The following RPL28 variants were observed in gnomAD, a reference collection of about 807,000 sequenced individuals.
The protein encoded by RPL28 is ribosomal protein L28.
In RPL28, 4 loss-of-function variants were observed where a neutral mutation model predicts 12.5. The observed-to-expected ratio is 0.32, with a 90% CI of 0.16 to 0.73. The LOEUF is 0.73. RPL28 is among the 30% of genes least tolerant of loss of function. The pLI is 0.66. For synonymous variants in RPL28, 91 were observed against 72.5 expected, an observed-to-expected ratio of 1.26 and a Z score of -1.30; for missense variants, 214 against 197.7, an observed-to-expected ratio of 1.08 and a Z score of -0.49.
At chr19:55,398,864 G>A (rs11673539) in intron 4 of RPL28, among the ~76,000 whole-genome samples, 24,257 of 152,106 alleles carry the variant, frequency 0.16, 2,165 homozygotes, top group Middle Eastern at 0.21. Flanking sequence ...ACAATGCCTG[G>A]CTGATTTTTA....
chr19:55,391,664 C>T lies in RPL28; in HGVS notation c.*3332C>T, dbSNP rs373129041. On this transcript the variant is annotated 3_prime_UTR_variant, in exon 5 of 5. Transcript: ENST00000344063. ...GTACCCTCATCTGTAACATGCGTGT[C>T]GATAGACCCTACTACTCAGGGTTGA... 1.3e-4 allele frequency: 194 copies of T among 1,543,930 alleles called. No homozygotes were observed. The African/African-American group carries it at 2.2e-3, about 18-fold the overall frequency.
chr19:55,402,579 C>G (rs2090068220), intron 4 of RPL28, among the ~76,000 whole-genome samples: 1 of 152,192 alleles, frequency 6.6e-6, no homozygotes, highest in Admixed American at 6.5e-5. Flanking sequence ...ATACACAGTA[C>G]CTGGCTCAGC....
chr19:55,399,038 A>C (rs1425147243), intron 4 of RPL28, among the ~76,000 whole-genome samples: 2 of 152,042 alleles, frequency 1.3e-5, no homozygotes, highest in Non-Finnish European at 2.9e-5. Flanking sequence ...CCCAGGCTGG[A>C]GTGCAGTGGT....
chr19:55,400,375 T>TAGAA, intron 4 of RPL28: 1 of 152,308 alleles, frequency 6.6e-6, no homozygotes, highest in Middle Eastern at 3.4e-3. Context: ...AACGCATTAA[T>TAGAA]AGAATGGGAA....
rs532320378 is a variant in RPL28 at position 55,385,932 on chromosome 19, C to T, written c.-42C>T. On this transcript the variant is annotated 5_prime_UTR_variant, in exon 1 of 5. Coordinates refer to ENST00000344063, the MANE Select transcript of RPL28 (RefSeq NM_000991.5). ...AGGCGTCGCCTCGCCCCTCGCCTTCCTCTTTCCGTCTCAGGTCGCCGCTGC... is the reference window on the plus strand; with the variant it reads ...AGGCGTCGCCTCGCCCCTCGCCTTCTTCTTTCCGTCTCAGGTCGCCGCTGC... The T allele has an allele frequency of 1.2e-4, 29 of 234,228 alleles. No individual in the cohort carries two copies. The highest frequency in any genetic ancestry group is 2.5e-4 in the South Asian group (5 of 20,028). The allele number at this position is 234,228 out of a possible 1,614,324, so 14.5% of individuals were successfully genotyped here.
rs1474689265 is a variant in RPL28 at position 55,388,710 on chromosome 19, C to T, written c.*378C>T. 1.2e-5 allele frequency: 13 copies of T among 1,044,234 alleles called. No individual in the cohort carries two copies. Among genetic ancestry groups the T allele is most frequent in the Non-Finnish European group, 1.5e-5 (13 of 869,076 alleles). The allele number at this position is 1,044,234 out of a possible 1,614,324, so 64.7% of individuals were successfully genotyped here. A position where few individuals can be genotyped will look rare whatever the true frequency, so the allele number is the denominator to read the frequency against. ...TGCAGGCTGAGGGCTGGGCCCTGGGCCCTGGTGCTGTAGCACGGTTTGGGG... is the reference window on the plus strand; with the variant it reads ...TGCAGGCTGAGGGCTGGGCCCTGGGTCCTGGTGCTGTAGCACGGTTTGGGG... On this transcript the variant is annotated 3_prime_UTR_variant, in exon 5 of 5. Coordinates refer to ENST00000344063, the MANE Select transcript of RPL28 (RefSeq NM_000991.5).
At chr19:55,388,199 G>T (rs780884560) in intron 4 of RPL28, 44 bp from the exon 5 acceptor site, 2 of 1,511,634 alleles carry the variant, frequency 1.3e-6, no homozygotes, top group South Asian at 1.3e-5. Context: ...GGGGCGGCTT[G>T]TGGAGTGTAT....
downstream of RPL28, among the ~76,000 whole-genome samples, chr19:55,396,796 G>A (rs1006519741): frequency 1.3e-4 from 19 of 150,848 alleles, no homozygotes; most frequent in Admixed American, 4.6e-4. Context: ...TAGCCAGGAT[G>A]TTCTCGATCT....
intron 4 of RPL28, chr19:55,402,864 G>A (rs2090071043): frequency 8.0e-7 from 1 of 1,252,888 alleles, no homozygotes; most frequent in Non-Finnish European, 1.1e-6. Flanking sequence ...CCCCATGGCA[G>A]GAAACCCCAA....
At position 55,391,672 on chromosome 19, in the gene RPL28, C is replaced by T; in HGVS notation, c.*3340C>T. On this transcript the variant is annotated 3_prime_UTR_variant, in exon 5 of 5. Transcript: ENST00000344063. ...ATCTGTAACATGCGTGTCGATAGACCCTACTACTCAGGGTTGATGAGAAGA... is the reference window on the plus strand; with the variant it reads ...ATCTGTAACATGCGTGTCGATAGACTCTACTACTCAGGGTTGATGAGAAGA... 1 of 1,544,806 alleles carries T rather than the reference C, an allele frequency of 6.5e-7. No homozygotes were observed. Among genetic ancestry groups the T allele is most frequent in the Non-Finnish European group, 8.8e-7 (1 of 1,140,918 alleles).
At position 55,388,558 on chromosome 19, in the gene RPL28, C is replaced by T. The variant is rs2123281298; in HGVS notation, c.*226C>T. ...CCCTGGTGAGGGCAAGGGTCACTGT[C>T]TTCACAGAAAAAGTTTGCTGACTTG... On this transcript the variant is annotated 3_prime_UTR_variant, in exon 5 of 5. Coordinates refer to ENST00000344063, the MANE Select transcript of RPL28 (RefSeq NM_000991.5). 1 of 1,253,834 alleles carries T rather than the reference C, an allele frequency of 8.0e-7. No homozygotes were observed. Among genetic ancestry groups the T allele is most frequent in the South Asian group, 3.4e-5 (1 of 29,426 alleles). The allele number at this position is 1,253,834 out of a possible 1,614,324, so 77.7% of individuals were successfully genotyped here. A position where few individuals can be genotyped will look rare whatever the true frequency, so the allele number is the denominator to read the frequency against.
downstream of RPL28, among the ~76,000 whole-genome samples, chr19:55,395,154 G>A (rs1258074153): frequency 1.4e-5 from 2 of 147,318 alleles, no homozygotes; most frequent in Admixed American, 1.3e-4. Flanking sequence ...TTATTTTTTT[G>A]AGACAGAGTT....
chr19:55,386,715 C>T lies in RPL28; in HGVS notation c.205+22C>T, dbSNP rs768629194. ...TCCGGTGAGTTTTGTCTGGTTTGGGCCAGAGAGCGGCCCCTTTCCCGGGTC... is the reference window on the plus strand; with the variant it reads ...TCCGGTGAGTTTTGTCTGGTTTGGGTCAGAGAGCGGCCCCTTTCCCGGGTC... On this transcript the variant is annotated intron_variant, in intron 3 of 4. Transcript: ENST00000344063. 5.6e-6 allele frequency: 9 copies of T among 1,613,460 alleles called. No individual in the cohort carries two copies. The South Asian group carries it at 9.9e-5, about 18-fold the overall frequency.
chr19:55,388,043 C>A lies in RPL28; in HGVS notation c.319C>A (p.Arg107Ser), dbSNP rs1128625. The change falls in exon 4 of 5, where the codon CGC becomes AGC. Residue 107 changes from arginine to serine, a missense_variant. By Grantham distance (110) the Arg-to-Ser change is moderately radical (BLOSUM62 -1). Transcript: ENST00000344063. ...IRKNKYRPDL[R>S]MAAIRRASAI... is the part of the protein sequence containing the mutation. Reference sequence around the variant, plus strand: ...CAAGAACAAGTACCGCCCCGACCTGCGCATGGTGAGCTGGGGTTTGGGGAT... The same window carrying A: ...CAAGAACAAGTACCGCCCCGACCTGAGCATGGTGAGCTGGGGTTTGGGGAT... 5 of 1,613,850 alleles carry A rather than the reference C, an allele frequency of 3.1e-6. No homozygotes were observed. The highest frequency in any genetic ancestry group is 3.3e-5 in the Admixed American group (2 of 59,974).
exon 5 of RPL28, chr19:55,403,154 A>G: frequency 6.9e-6 from 5 of 720,742 alleles, no homozygotes; most frequent in Non-Finnish European, 1.2e-5. Context: ...GTCTCCTGAC[A>G]ATGCATAATA....
chr19:55,389,624 C>A lies in RPL28; in HGVS notation c.*1292C>A. 1 of 985,540 alleles carries A rather than the reference C, an allele frequency of 1.0e-6. No individual in the cohort carries two copies. 61.0% of individuals were successfully genotyped at this position (985,540 alleles called of 1,614,324 possible). On this transcript the variant is annotated 3_prime_UTR_variant, in exon 5 of 5. Transcript: ENST00000344063. ...GGGAGCCCTGCGTTTTGAGGCAGAC[C>A]ACTGCCCTTCCGACCTCAGTCCTGT...
chr19:55,389,880 C>T lies in RPL28; in HGVS notation c.*1548C>T, dbSNP rs569893030. On this transcript the variant is annotated 3_prime_UTR_variant, in exon 5 of 5. Transcript: ENST00000344063. ...GCTGGCCTCACTCCGCTGGTGACTT[C>T]GTACCTGCTCAGGAGCCCCCACTGT... 38 of 985,448 alleles carry T rather than the reference C, an allele frequency of 3.9e-5. No homozygotes were observed. In the South Asian group the frequency reaches 1.3e-3, roughly 33 times the overall value. 61.0% of individuals were successfully genotyped at this position (985,448 alleles called of 1,614,324 possible).
chr19:55,388,206 G>T, intron 4 of RPL28, 37 bp from the exon 5 acceptor site: 1 of 1,516,364 alleles, frequency 6.6e-7, no homozygotes, highest in South Asian at 1.3e-5. Context: ...CTTGTGGAGT[G>T]TATGGGCTGA....
chr19:55,389,643 G>T lies in RPL28; in HGVS notation c.*1311G>T. ...GCAGACCACTGCCCTTCCGACCTCA[G>T]TCCTGTCTGCTCCAGTCTTGCCCAG... On this transcript the variant is annotated 3_prime_UTR_variant, in exon 5 of 5. Transcript: ENST00000344063. The T allele has an allele frequency of 1.0e-6, 1 of 985,548 alleles. No homozygotes were observed. The highest frequency in any genetic ancestry group is 1.2e-6 in the Non-Finnish European group (1 of 829,992). The allele number at this position is 985,548 out of a possible 1,614,324, so 61.1% of individuals were successfully genotyped here.
Sources: allele counts gnomAD v4.1 joint callset (sites outside exome capture counted in the v4.1 genomes callset), GRCh38; gene constraint gnomAD v4.1.1; transcripts MANE v1.5; gene names NCBI Gene and HGNC (gene_info 2026-07-23, HGNC 2026-07-21).